The following DIAPH2 variants were observed in gnomAD, a reference collection of about 807,000 sequenced individuals.
DIAPH2 encodes the protein protein diaphanous homolog 2.
DIAPH2 carries 35 observed loss-of-function variants against 92.7 expected under a neutral mutation model. That is an observed-to-expected ratio of 0.38 (90% confidence interval 0.29 to 0.50). DIAPH2 has a LOEUF of 0.50. Among genes scored for constraint, DIAPH2 ranks in the 20% least tolerant of loss-of-function variants. The pLI is 0.94. For synonymous variants in DIAPH2, 301 were observed against 280.4 expected (o/e 1.07, Z -0.73); for missense variants, 701 against 819.5 (o/e 0.86, Z 1.77).
At chrX:97,437,509 CA>C (rs2070199696) in intron 26 of DIAPH2, among the ~76,000 whole-genome samples, 1 of 110,586 alleles carries the variant, frequency 9.0e-6, no homozygotes. Context: ...TATAAGTGTT[CA>C]AAAAGTGCTA....
chrX:97,037,302 C>A (rs2066417812), intron 17 of DIAPH2, among the ~76,000 whole-genome samples: 1 of 111,091 alleles, frequency 9.0e-6, no homozygotes, highest in Admixed American at 9.6e-5. Context: ...AGATCTCAGA[C>A]ATATATGTAT....
intron 23 of DIAPH2, among the ~76,000 whole-genome samples, chrX:97,270,360 G>A (rs770555685): frequency 1.8e-5 from 2 of 112,245 alleles, no homozygotes; most frequent in Non-Finnish European, 3.8e-5. Context: ...CACCATGCTC[G>A]GCCTTGAAGG....
At chrX:97,232,224 A>T (rs1218622147) in intron 22 of DIAPH2, among the ~76,000 whole-genome samples, 6 of 109,695 alleles carry the variant, frequency 5.5e-5, no homozygotes, top group Non-Finnish European at 1.1e-4. Flanking sequence ...CCTTACCCTT[A>T]CCCTTCCTCA....
intron 23 of DIAPH2, among the ~76,000 whole-genome samples, chrX:97,291,160 G>A (rs773686890): frequency 2.7e-5 from 3 of 110,117 alleles, no homozygotes; most frequent in Non-Finnish European, 5.7e-5. Context: ...GCCGAGGCGG[G>A]CAGATCACCT....
intron 4 of DIAPH2, among the ~76,000 whole-genome samples, chrX:96,801,612 G>A (rs918639170): frequency 5.4e-5 from 6 of 111,373 alleles, no homozygotes; most frequent in Admixed American, 4.8e-4. Flanking sequence ...AGTGATATAA[G>A]CATTTAGTTT....
At chrX:97,270,477 T>G (rs1040599296) in intron 23 of DIAPH2, among the ~76,000 whole-genome samples, 1 of 111,924 alleles carries the variant, frequency 8.9e-6, no homozygotes, top group Non-Finnish European at 1.9e-5. Context: ...TTGAACCAAA[T>G]GAGTCAGGCT....
At chrX:96,752,571 G>A in intron 3 of DIAPH2, among the ~76,000 whole-genome samples, 1 of 111,736 alleles carries the variant, frequency 8.9e-6, no homozygotes, top group Non-Finnish European at 1.9e-5. Context: ...AGGTGCTTTA[G>A]GAGAAGTCTT....
intron 25 of DIAPH2, among the ~76,000 whole-genome samples, chrX:97,389,465 CAAAAAAA>C (rs1164301048): frequency 2.9e-5 from 1 of 34,530 alleles, no homozygotes. Context: ...GACTCTGTCT[CAAAAAAA>C]AAAAAAAAAA....
At chrX:96,688,979 T>G (rs1419304522) in intron 1 of DIAPH2, among the ~76,000 whole-genome samples, 1 of 108,467 alleles carries the variant, frequency 9.2e-6, no homozygotes, top group Non-Finnish European at 1.9e-5. Context: ...GTGTGATAAG[T>G]TGCTATAGGA....
At position 96,734,028 on chromosome X, in the gene DIAPH2, A is replaced by G. The variant is rs1170843106; in HGVS notation, c.133-1730A>G. On this transcript the variant is annotated intron_variant, in intron 1 of 26. Transcript: ENST00000324765. ...ATTCCAAAGAAGAGTACTGAGGGGAAGGGAAGACTTCAGTCTCGTCCCATA... is the reference window on the plus strand; with the variant it reads ...ATTCCAAAGAAGAGTACTGAGGGGAGGGGAAGACTTCAGTCTCGTCCCATA... 5.3e-5 allele frequency among the ~76,000 whole-genome samples: 6 copies of G among 112,162 alleles called. No homozygotes were observed. The Admixed American group carries it at 5.7e-4, about 11-fold the overall frequency.
intron 16 of DIAPH2, among the ~76,000 whole-genome samples, chrX:96,962,320 TATAC>T (rs1397041261): frequency 1.9e-5 from 1 of 53,749 alleles, no homozygotes; most frequent in Middle Eastern, 8.0e-3. Flanking sequence ...TACATATATA[TATAC>T]ACATATATAT....
At chrX:97,119,624 T>A (rs1330998339) in intron 21 of DIAPH2, among the ~76,000 whole-genome samples, 1 of 111,612 alleles carries the variant, frequency 9.0e-6, no homozygotes, top group African/African-American at 3.3e-5. Flanking sequence ...CCCAAGAGTA[T>A]GTCCCCTTTG....
chrX:97,438,374 T>G (rs1456047402), intron 26 of DIAPH2, among the ~76,000 whole-genome samples: 1 of 84,317 alleles, frequency 1.2e-5, no homozygotes, highest in African/African-American at 4.4e-5. Flanking sequence ...TTTTTTTTTT[T>G]TTTTTTTTTG....
chrX:96,828,060 G>A (rs189125187), intron 4 of DIAPH2, among the ~76,000 whole-genome samples: 2 of 111,872 alleles, frequency 1.8e-5, no homozygotes, highest in South Asian at 3.7e-4. Context: ...GTGAGCCACC[G>A]CGCCCAGCCT....
intron 24 of DIAPH2, among the ~76,000 whole-genome samples, chrX:97,363,350 T>C (rs1037134074): frequency 9.0e-6 from 1 of 111,247 alleles, no homozygotes; most frequent in African/African-American, 3.3e-5. Flanking sequence ...CAAAACAGTA[T>C]TTTTGCTATT....
chrX:97,597,269 C>T (rs2071558740), intron 26 of DIAPH2, among the ~76,000 whole-genome samples: 1 of 111,765 alleles, frequency 8.9e-6, no homozygotes, highest in Admixed American at 9.5e-5. Flanking sequence ...GGATTTAGGC[C>T]CTGAACTCAA....
intron 4 of DIAPH2, among the ~76,000 whole-genome samples, chrX:96,877,078 T>C (rs2065185573): frequency 9.0e-6 from 1 of 111,563 alleles, no homozygotes; most frequent in Admixed American, 9.5e-5. Flanking sequence ...ATCTAAAGGT[T>C]CTGCACTATA....
chrX:97,344,996 G>A (rs777437337), intron 23 of DIAPH2, among the ~76,000 whole-genome samples: 218 of 112,019 alleles, frequency 1.9e-3, no homozygotes, highest in Non-Finnish European at 3.3e-3. Flanking sequence ...TTTATTTAGG[G>A]AAGAGAGGCT....
intron 13 of DIAPH2, among the ~76,000 whole-genome samples, chrX:96,943,420 C>T (rs757142480): frequency 9.0e-6 from 1 of 111,276 alleles, no homozygotes; most frequent in African/African-American, 3.3e-5. Context: ...TTTCAGAAAG[C>T]TTGTGCCAAT....
Sources: allele counts gnomAD v4.1 joint callset (sites outside exome capture counted in the v4.1 genomes callset), GRCh38; gene constraint gnomAD v4.1.1; transcripts MANE v1.5; gene names NCBI Gene and HGNC (gene_info 2026-07-23, HGNC 2026-07-21).